FAM234A: variants seen among roughly 807,000 people sequenced by gnomAD.
The protein encoded by FAM234A is protein FAM234A.
In FAM234A, 42 loss-of-function variants were observed where a neutral mutation model predicts 49.1. The ratio of observed to expected loss-of-function variants is 0.86; its 90% CI spans 0.67 to 1.11. FAM234A has a LOEUF of 1.11. Among genes scored for constraint, FAM234A ranks in the 50% least tolerant of loss-of-function variants. The pLI is 0.00. For missense variants in FAM234A, 815 were observed against 745.2 expected (o/e 1.09, Z -1.09); for synonymous variants, 369 against 316.2 (o/e 1.17, Z -1.77).
chr16:258,006 C>T (rs998221840), intron 3 of FAM234A, among the ~76,000 whole-genome samples: 3 of 151,960 alleles, frequency 2.0e-5, no homozygotes, highest in African/African-American at 7.2e-5. Flanking sequence ...TATAGGCGCC[C>T]GCCACCACGC....
chr16:266,240 C>A, downstream of FAM234A: 1 of 296,968 alleles, frequency 3.4e-6, no homozygotes, highest in Non-Finnish European at 5.0e-6. Context: ...GCCGAGGAGG[C>A]GAGCACCCCC....
chr16:253,446 A>G (rs566316440), intron 2 of FAM234A, among the ~76,000 whole-genome samples: 1 of 152,184 alleles, frequency 6.6e-6, no homozygotes, highest in Admixed American at 6.5e-5. Context: ...TTTACTGTGT[A>G]TCATATGATC....
intron 1 of FAM234A, among the ~76,000 whole-genome samples, 186 bp downstream of exon 1, chr16:235,043 C>T (rs2050350257): frequency 6.6e-6 from 1 of 152,336 alleles, no homozygotes; most frequent in African/African-American, 2.4e-5. Context: ...GGCGGGGCCC[C>T]AAGTCCCTCA....
intron 1 of FAM234A, among the ~76,000 whole-genome samples, chr16:241,074 C>T (rs1223101344): frequency 1.3e-5 from 2 of 152,004 alleles, no homozygotes; most frequent in Non-Finnish European, 2.9e-5. Flanking sequence ...CACATACCAC[C>T]ATACCCGGCT....
At position 234,863 on chromosome 16, in the gene FAM234A, T is replaced by G. The variant is rs1017999253; in HGVS notation, c.-140+6T>G. The stretch of plus-strand genomic sequence containing the variant: ...GTGAGAGGCCGCGGCGGCAGGTGAG[T>G]GAGCGCGGCCTCGTACTCGCGCGTG... On this transcript the variant is annotated splice_donor_region_variant and intron_variant, in intron 1 of 12. Transcript: ENST00000399932. The G allele has an allele frequency of 2.0e-5, 3 of 152,136 alleles. No individual in the cohort carries two copies. Among genetic ancestry groups the G allele is most frequent in the African/African-American group, 4.8e-5 (2 of 41,350 alleles). The allele number at this position is 152,136 out of a possible 1,614,324, so 9.4% of individuals were successfully genotyped here.
chr16:262,360 G>T, intron 7 of FAM234A, 64 bp from the exon 8 acceptor site: 2 of 1,556,330 alleles, frequency 1.3e-6, no homozygotes, highest in Non-Finnish European at 1.7e-6. Flanking sequence ...GTGGCACTGC[G>T]TGCCCCTGGT....
intron 5 of FAM234A, chr16:260,647 C>A (rs544668624): frequency 2.1e-6 from 1 of 472,512 alleles, no homozygotes; most frequent in African/African-American, 2.0e-5. Context: ...GCGTGGTGCA[C>A]GGGGCCATGT....
At chr16:244,694 T>G (rs1012428678) in intron 1 of FAM234A, among the ~76,000 whole-genome samples, 2 of 148,938 alleles carry the variant, frequency 1.3e-5, no homozygotes, top group Non-Finnish European at 3.0e-5. Flanking sequence ...TTTTTTTTTT[T>G]TTTTTTTTTT....
At chr16:251,119 T>G (rs1020705474) in intron 2 of FAM234A, among the ~76,000 whole-genome samples, 8 of 152,054 alleles carry the variant, frequency 5.3e-5, no homozygotes, top group Non-Finnish European at 1.0e-4. Flanking sequence ...ACCATGCCCA[T>G]CTAGTTTTTT....
intron 9 of FAM234A, 27 bp from the exon 10 acceptor site, chr16:263,673 G>C (rs577520197): frequency 1.3e-6 from 2 of 1,583,380 alleles, no homozygotes; most frequent in South Asian, 2.2e-5. Flanking sequence ...GAGACCCCTC[G>C]TGAGCGCTTC....
intron 1 of FAM234A, chr16:247,115 T>C (rs1394831742): frequency 1.3e-5 from 2 of 151,462 alleles, no homozygotes; most frequent in Non-Finnish European, 2.9e-5. Context: ...TTTTGTTGTT[T>C]TATCGATGTT....
In FAM234A at chr16:244,264, G is replaced by A. The variant is rs139780688; in HGVS notation, c.-139-5285G>A. 6.9e-4 allele frequency among the ~76,000 whole-genome samples: 105 copies of A among 152,336 alleles called. 1 individual carries two copies. The East Asian group carries it at 0.018, about 27-fold the overall frequency. On this transcript the variant is annotated intron_variant, in intron 1 of 12. Transcript: ENST00000399932. ...ATTACAGGCGTGAGCCACCGCGCCC[G>A]GTCGGAAAATGATTTTAATGGATGG...
At position 252,643 on chromosome 16, in the gene FAM234A, C is replaced by T. The variant is rs962399929; in HGVS notation, c.-33-1738C>T. Among the ~76,000 whole-genome samples, 5 of 152,188 alleles carry T rather than the reference C, an allele frequency of 3.3e-5. 1 individual carries two copies. Among genetic ancestry groups the T allele is most frequent in the African/African-American group, 1.2e-4 (5 of 41,444 alleles). On this transcript the variant is annotated intron_variant, in intron 2 of 12. Coordinates refer to ENST00000399932, the MANE Select transcript of FAM234A (RefSeq NM_032039.4). Reference sequence around the variant, plus strand: ...AGCAACGTACGATGTTCTGATTTCTCCACATCCTCACCCAGACTCGTCGTT... The same window carrying T: ...AGCAACGTACGATGTTCTGATTTCTTCACATCCTCACCCAGACTCGTCGTT...
At chr16:243,396 T>C (rs1197142849) in intron 1 of FAM234A, among the ~76,000 whole-genome samples, 1 of 152,232 alleles carries the variant, frequency 6.6e-6, no homozygotes, top group African/African-American at 2.4e-5. Context: ...GCAAGGACAG[T>C]GCCCTGCTCA....
chr16:262,195 A>G lies in FAM234A; in HGVS notation c.811A>G (p.Thr271Ala), dbSNP rs558975060. ...ESGFLLHVTR[T>A]GAHYILFPCA... Reference sequence around the variant, plus strand: ...TGGCTTCCTCCTTCACGTCACCAGGACAGGTGCCCACTACATCCTCTTTCC... The same window carrying G: ...TGGCTTCCTCCTTCACGTCACCAGGGCAGGTGCCCACTACATCCTCTTTCC... The change falls in exon 7 of 13, where the codon ACA (threonine) becomes GCA (alanine). Residue 271 changes from threonine to alanine, a missense_variant. Physicochemically the swap from Thr to Ala is moderately conservative, Grantham distance 58. Coordinates refer to ENST00000399932, the MANE Select transcript of FAM234A (RefSeq NM_032039.4). 2 of 1,613,930 alleles carry G rather than the reference A, an allele frequency of 1.2e-6. No individual in the cohort carries two copies. The highest frequency in any genetic ancestry group is 4.5e-5 in the East Asian group (2 of 44,874).
At position 263,791 on chromosome 16, in the gene FAM234A, TTCGGAGGTGGCACCTTTGTTC is replaced by T. The variant is rs763924349; in HGVS notation, c.1188+18_1188+38del. The T allele has an allele frequency of 6.2e-7, 1 of 1,600,808 alleles. No individual in the cohort carries two copies. Among genetic ancestry groups the T allele is most frequent in the Non-Finnish European group, 8.6e-7 (1 of 1,167,926 alleles). ...CGACAGACAGGTTCGTTGTTCTTCCTTCGGAGGTGGCACCTTTGTTCTTAGCTGAGGATAGACTGGTCTGAA... is the reference window on the plus strand; with the variant it reads ...CGACAGACAGGTTCGTTGTTCTTCCTTTAGCTGAGGATAGACTGGTCTGAA... On this transcript the variant is annotated intron_variant, in intron 10 of 12. Transcript: ENST00000399932.
rs139296496 is a variant in FAM234A at position 261,671 on chromosome 16, C to T, written c.708+157C>T. Among the ~76,000 whole-genome samples the T allele has an allele frequency of 2.8e-3, 421 of 152,364 alleles. 2 individuals carry two copies. The highest frequency in any genetic ancestry group is 9.8e-3 in the African/African-American group (409 of 41,592). ...CCCACGTTCCCAACTCCCATAGACC[C>T]AGCATACTCAGGGGGCTCCATCTCT... On this transcript the variant is annotated intron_variant, in intron 6 of 12. Coordinates refer to ENST00000399932, the MANE Select transcript of FAM234A (RefSeq NM_032039.4).
chr16:269,910 G>A (rs975107919), downstream of FAM234A: 1 of 273,628 alleles, frequency 3.7e-6, no homozygotes, highest in African/African-American at 2.4e-5. Flanking sequence ...GGGCAGGGTT[G>A]TGGAGTCAAA....
intron 1 of FAM234A, among the ~76,000 whole-genome samples, chr16:245,726 G>A (rs1596766118): frequency 6.6e-6 from 1 of 152,072 alleles, no homozygotes. Flanking sequence ...TTTATGTTAG[G>A]CCACACTTCA....
Sources: gnomAD v4.1 joint callset for allele counts (sites outside exome capture counted in the v4.1 genomes callset) on GRCh38, gnomAD v4.1.1 for gene constraint, MANE v1.5 for transcripts, NCBI Gene and HGNC (gene_info 2026-07-23, HGNC 2026-07-21) for gene names.